ZNF420: variants seen among roughly 807,000 people sequenced by gnomAD.
ZNF420 encodes the protein ATM and p53-associated KZNF protein.
A neutral mutation model predicts 44.7 loss-of-function variants in ZNF420; 31 were observed. The ratio of observed to expected loss-of-function variants is 0.69; its 90% CI spans 0.52 to 0.94. The LOEUF (loss-of-function observed/expected upper bound fraction) is 0.94. Among genes scored for constraint, ZNF420 ranks in the 40% least tolerant of loss-of-function variants. The probability of loss-of-function intolerance (pLI) is 0.00; values close to 1 mark genes in which losing one functional copy is unlikely to be tolerated. For synonymous variants in ZNF420, 245 were observed against 267.4 expected (o/e 0.92, Z 0.82); for missense variants, 681 against 827.9 (o/e 0.82, Z 2.18).
intron 4 of ZNF420, among the ~76,000 whole-genome samples, chr19:37,119,025 A>G (rs1970863092): frequency 6.6e-6 from 1 of 152,200 alleles, no homozygotes; most frequent in Non-Finnish European, 1.5e-5. Context: ...ATAATGGGAG[A>G]CTTTAACACC....
chr19:37,014,054 C>T (rs930810137), intron 1 of ZNF420, among the ~76,000 whole-genome samples: 3 of 152,152 alleles, frequency 2.0e-5, no homozygotes, highest in Non-Finnish European at 4.4e-5. Context: ...AGGGCCTGTG[C>T]CGGAGAACAA....
rs71325984 is a variant in ZNF420, at chr19:37,050,954, C to A, written c.-124-29391C>A. Among the ~76,000 whole-genome samples, 1,393 of 152,206 alleles carry A rather than the reference C, an allele frequency of 9.2e-3. 24 individuals carry two copies. The highest frequency in any genetic ancestry group is 0.032 in the African/African-American group (1,336 of 41,546). On this transcript the variant is annotated intron_variant, in intron 1 of 4. Transcript: ENST00000587029. ...AAGGGCTGTTGAATTTTGTCAAAGG[C>A]CTTTTCTGCATCTATTGAGATAATC...
At chr19:37,074,597 C>G (rs1047056305), upstream of ZNF420, among the ~76,000 whole-genome samples, 4 of 152,078 alleles carry the variant, frequency 2.6e-5, no homozygotes, top group East Asian at 7.7e-4. Context: ...TTGGGAAACA[C>G]TAGGGCAATT....
chr19:37,010,046 G>C (rs1279111520), intron 1 of ZNF420, among the ~76,000 whole-genome samples: 2 of 152,222 alleles, frequency 1.3e-5, no homozygotes, highest in South Asian at 2.1e-4. Context: ...TCCAGGAGCA[G>C]AGCACGAGTC....
intron 4 of ZNF420, among the ~76,000 whole-genome samples, chr19:37,102,652 G>A (rs1260041420): frequency 6.6e-6 from 1 of 152,140 alleles, no homozygotes. Context: ...TAGGTCTTGG[G>A]CTTTACTCAA....
At chr19:37,083,037 T>G (rs951675133) in intron 2 of ZNF420, among the ~76,000 whole-genome samples, 1 of 114,220 alleles carries the variant, frequency 8.8e-6, no homozygotes, top group African/African-American at 3.6e-5. Context: ...ATTTTTTGTA[T>G]TTTAGTAGAG....
intron 1 of ZNF420, among the ~76,000 whole-genome samples, chr19:37,020,635 G>A (rs2074641648): frequency 6.6e-6 from 1 of 152,166 alleles, no homozygotes; most frequent in Non-Finnish European, 1.5e-5. Flanking sequence ...AGCTAAAGTA[G>A]AGGCACCCCA....
At chr19:37,019,802 A>G (rs2074633278) in intron 1 of ZNF420, among the ~76,000 whole-genome samples, 1 of 152,046 alleles carries the variant, frequency 6.6e-6, no homozygotes, top group East Asian at 1.9e-4. Context: ...GAATTACCAT[A>G]TGATCCAGCA....
intron 4 of ZNF420, among the ~76,000 whole-genome samples, chr19:37,121,328 A>G (rs1875188820): frequency 6.8e-6 from 1 of 147,834 alleles, no homozygotes; most frequent in African/African-American, 2.5e-5. Context: ...CCGCATATCT[A>G]CAACTATCTG....
intron 1 of ZNF420, among the ~76,000 whole-genome samples, chr19:37,047,932 G>A (rs188199786): frequency 3.3e-5 from 5 of 152,202 alleles, no homozygotes; most frequent in Non-Finnish European, 5.9e-5. Flanking sequence ...CAGATTCATC[G>A]ATGGCTTGGC....
upstream of ZNF420, among the ~76,000 whole-genome samples, chr19:37,073,726 C>T (rs7246720): frequency 0.56 from 81,597 of 144,458 alleles, 24,011 homozygotes; most frequent in African/African-American, 0.75. Context: ...GTCTTGGCGA[C>T]AGAGCGAGAC....
chr19:37,017,408 A>C (rs1276889259), intron 1 of ZNF420, among the ~76,000 whole-genome samples: 1 of 152,072 alleles, frequency 6.6e-6, no homozygotes, highest in African/African-American at 2.4e-5. Flanking sequence ...TAGAAGGAAA[A>C]CCTGCTTTTG....
At chr19:37,070,211 T>C (rs1968034003) in intron 1 of ZNF420, among the ~76,000 whole-genome samples, 1 of 152,128 alleles carries the variant, frequency 6.6e-6, no homozygotes, top group South Asian at 2.1e-4. Context: ...CTGGGACAAC[T>C]GGTATATGCA....
At chr19:37,024,633 A>G (rs1247516482) in intron 1 of ZNF420, among the ~76,000 whole-genome samples, 2 of 152,102 alleles carry the variant, frequency 1.3e-5, no homozygotes, top group African/African-American at 2.4e-5. Flanking sequence ...TATTTTTAGT[A>G]GAGACGGGGT....
chr19:37,066,235 G>A (rs1967965005), intron 1 of ZNF420, among the ~76,000 whole-genome samples: 1 of 152,184 alleles, frequency 6.6e-6, no homozygotes, highest in African/African-American at 2.4e-5. Flanking sequence ...CTAAGGTCAG[G>A]AGTTCGAGAC....
At chr19:37,074,400 G>A (rs1353404450), upstream of ZNF420, among the ~76,000 whole-genome samples, 2 of 152,110 alleles carry the variant, frequency 1.3e-5, no homozygotes, top group Admixed American at 6.5e-5. Context: ...AACAAATCCA[G>A]AATGTTAGGC....
chr19:37,026,589 G>C (rs1967164384), intron 1 of ZNF420, among the ~76,000 whole-genome samples: 1 of 152,122 alleles, frequency 6.6e-6, no homozygotes, highest in South Asian at 2.1e-4. Flanking sequence ...AAAGTGCTGG[G>C]ATTACAGTTG....
Position 37,023,074 on chromosome 19 carries a change from G to A in ZNF420, c.-125+14992G>A, listed in dbSNP as rs1242834866. ...AATCACTTAAACCCAGGAGGCAGAGGTTGCAGTGAGCCGAGATTGCACCAC... is the reference window on the plus strand; with the variant it reads ...AATCACTTAAACCCAGGAGGCAGAGATTGCAGTGAGCCGAGATTGCACCAC... On this transcript the variant is annotated intron_variant, in intron 1 of 4. Coordinates refer to the ZNF420 transcript ENST00000587029. Among the ~76,000 whole-genome samples the A allele has an allele frequency of 1.9e-4, 29 of 151,730 alleles. No homozygotes were observed. In the East Asian group the frequency reaches 4.7e-3, roughly 25 times the overall value.
At position 37,129,253 on chromosome 19, in the gene ZNF420, A is replaced by T; in HGVS notation, c.*195A>T. 3.1e-6 allele frequency: 2 copies of T among 651,576 alleles called. No individual in the cohort carries two copies. Among genetic ancestry groups the T allele is most frequent in the South Asian group, 4.5e-5 (2 of 44,166 alleles). The allele number at this position is 651,576 out of a possible 1,614,324, so 40.4% of individuals were successfully genotyped here. Reference sequence around the variant, plus strand: ...AACCTATTAAACATTAGCAAATTGGAGAATAGTTTTAATATAGTAAATGTA... The same window carrying T: ...AACCTATTAAACATTAGCAAATTGGTGAATAGTTTTAATATAGTAAATGTA... On this transcript the variant is annotated 3_prime_UTR_variant, in exon 5 of 5. Transcript: ENST00000337995.
Sources: gnomAD v4.1 joint callset for allele counts (sites outside exome capture counted in the v4.1 genomes callset) on GRCh38, gnomAD v4.1.1 for gene constraint, MANE v1.5 for transcripts, NCBI Gene and HGNC (gene_info 2026-07-23, HGNC 2026-07-21) for gene names.